The following NR3C2 variants were observed in gnomAD, a reference collection of about 807,000 sequenced individuals.
The protein encoded by NR3C2 is nuclear receptor subfamily 3 group C member 2.
A neutral mutation model predicts 86.4 loss-of-function variants in NR3C2; 15 were observed. The ratio of observed to expected loss-of-function variants is 0.17; its 90% CI spans 0.12 to 0.27. The LOEUF is 0.27. NR3C2 is among the 10% of genes least tolerant of loss of function. The probability of loss-of-function intolerance (pLI) is 1.00; values close to 1 mark genes in which losing one functional copy is unlikely to be tolerated. For missense variants in NR3C2, 960 were observed against 1,195.6 expected (o/e 0.80, Z 2.91); for synonymous variants, 458 against 450.5 (o/e 1.02, Z -0.21).
At chr4:148,091,675 A>C (rs2149710034) in intron 8 of NR3C2, among the ~76,000 whole-genome samples, 1 of 152,356 alleles carries the variant, frequency 6.6e-6, no homozygotes, top group South Asian at 2.1e-4. Context: ...AGCCTGATGT[A>C]GTGCACGGGT....
chr4:148,202,391 C>T (rs1322806299), intron 3 of NR3C2, among the ~76,000 whole-genome samples: 1 of 152,212 alleles, frequency 6.6e-6, no homozygotes, highest in Non-Finnish European at 1.5e-5. Flanking sequence ...TGCCTGCCTC[C>T]ACATTGGCTT....
intron 4 of NR3C2, among the ~76,000 whole-genome samples, chr4:148,177,372 T>G (rs1473356005): frequency 2.6e-5 from 4 of 152,194 alleles, no homozygotes; most frequent in Non-Finnish European, 5.9e-5. Flanking sequence ...CTACTAAGAC[T>G]GAAGGACTGT....
intron 2 of NR3C2, among the ~76,000 whole-genome samples, chr4:148,328,606 C>T (rs1011956787): frequency 1.3e-5 from 2 of 152,182 alleles, no homozygotes; most frequent in African/African-American, 4.8e-5. Context: ...ACTTCTTGTC[C>T]TCTCCTCTGT....
chr4:148,193,325 C>T (rs1366398867), intron 4 of NR3C2, among the ~76,000 whole-genome samples: 3 of 152,222 alleles, frequency 2.0e-5, no homozygotes, highest in Admixed American at 6.5e-5. Flanking sequence ...CTCACAGTAA[C>T]TGGGGTGTCT....
At chr4:148,270,400 A>G (rs1740621616) in intron 2 of NR3C2, among the ~76,000 whole-genome samples, 1 of 152,118 alleles carries the variant, frequency 6.6e-6, no homozygotes, top group African/African-American at 2.4e-5. Flanking sequence ...GGATAAAAGG[A>G]TATCTTTTAT....
intron 2 of NR3C2, among the ~76,000 whole-genome samples, chr4:148,265,941 T>C (rs767763448): frequency 2.6e-5 from 4 of 151,952 alleles, no homozygotes; most frequent in African/African-American, 7.3e-5. Context: ...TCATGGCGAA[T>C]AGAGAGACAA....
At chr4:148,188,777 G>C (rs1313926847) in intron 4 of NR3C2, among the ~76,000 whole-genome samples, 1 of 152,104 alleles carries the variant, frequency 6.6e-6, no homozygotes, top group African/African-American at 2.4e-5. Flanking sequence ...ATGTTGAAGA[G>C]GAGTGGTGAC....
intron 2 of NR3C2, among the ~76,000 whole-genome samples, chr4:148,276,836 C>A (rs1355138295): frequency 6.6e-6 from 1 of 152,198 alleles, no homozygotes; most frequent in East Asian, 1.9e-4. Flanking sequence ...ACTATGAAAT[C>A]CTTCATGGCT....
chr4:148,312,319 A>C (rs937289743), intron 2 of NR3C2, among the ~76,000 whole-genome samples: 1 of 127,428 alleles, frequency 7.8e-6, no homozygotes, highest in Non-Finnish European at 1.7e-5. Flanking sequence ...ATTTATGAGT[A>C]TGGTAGAAAT....
intron 8 of NR3C2, among the ~76,000 whole-genome samples, chr4:148,082,480 C>T (rs963182712): frequency 4.6e-5 from 7 of 152,220 alleles, no homozygotes; most frequent in Admixed American, 2.6e-4. Context: ...ACTCCCTCCC[C>T]TAGCCAAGGG....
At position 148,436,135 on chromosome 4, in the gene NR3C2, T is replaced by C. The variant is rs1177042225; in HGVS notation, c.726A>G (p.Glu242=). The C allele has an allele frequency of 1.2e-6, 2 of 1,614,164 alleles. No individual in the cohort carries two copies. The highest frequency in any genetic ancestry group is 1.7e-6 in the Non-Finnish European group (2 of 1,180,036). The change falls in exon 2 of 9, where the codon GAA becomes GAG. Residue 242 remains glutamate (E), a synonymous_variant. Coordinates refer to ENST00000358102, the MANE Select transcript of NR3C2 (RefSeq NM_000901.5). ...GGCTGTGCGACCTGGAGCCTCGATT[T>C]TCAACATTAGGGGAGCATGTCAGAG... The part of the protein sequence containing the change: ...GTPLTCSPNV[E]NRGSRSHSPA...
chr4:148,231,110 T>C (rs1456689469), intron 3 of NR3C2, among the ~76,000 whole-genome samples: 2 of 152,202 alleles, frequency 1.3e-5, no homozygotes, highest in Non-Finnish European at 2.9e-5. Context: ...CTATGACAGA[T>C]TAATCATTTC....
intron 2 of NR3C2, among the ~76,000 whole-genome samples, chr4:148,385,802 A>G (rs907617): frequency 0.99 from 150,144 of 152,280 alleles, 74,055 homozygotes; most frequent in East Asian, 1. Flanking sequence ...AGGACCTGCT[A>G]CAACCTCGAA....
At chr4:148,124,964 A>T (rs1732677541) in intron 6 of NR3C2, among the ~76,000 whole-genome samples, 1 of 152,152 alleles carries the variant, frequency 6.6e-6, no homozygotes, top group Admixed American at 6.5e-5. Context: ...TTTCCTTTAC[A>T]TATCTAGATA....
chr4:148,332,087 A>G (rs1238761589), intron 2 of NR3C2, among the ~76,000 whole-genome samples: 1 of 152,224 alleles, frequency 6.6e-6, no homozygotes, highest in Non-Finnish European at 1.5e-5. Context: ...GTATTAATAC[A>G]AAATATCTTT....
At chr4:148,155,496 G>A (rs1010683710) in intron 4 of NR3C2, among the ~76,000 whole-genome samples, 5 of 152,068 alleles carry the variant, frequency 3.3e-5, no homozygotes, top group African/African-American at 7.2e-5. Flanking sequence ...CAAATCATGA[G>A]TGAACTCCCA....
intron 8 of NR3C2, among the ~76,000 whole-genome samples, chr4:148,098,885 G>C (rs1731413689): frequency 6.6e-6 from 1 of 152,116 alleles, no homozygotes; most frequent in South Asian, 2.1e-4. Context: ...TATTGCTTAA[G>C]AGTGTCTCAC....
intron 2 of NR3C2, among the ~76,000 whole-genome samples, chr4:148,312,432 G>A (rs967477681): frequency 2.0e-5 from 3 of 152,148 alleles, no homozygotes; most frequent in African/African-American, 7.2e-5. Context: ...CTAAAAATCA[G>A]GGCCTTTCTT....
At chr4:148,317,995 A>T (rs954941797) in intron 2 of NR3C2, among the ~76,000 whole-genome samples, 2 of 149,836 alleles carry the variant, frequency 1.3e-5, no homozygotes, top group Non-Finnish European at 3.0e-5. Context: ...ATCTAGCATT[A>T]GGTATATCTC....
Sources: allele counts gnomAD v4.1 joint callset (sites outside exome capture counted in the v4.1 genomes callset), GRCh38; gene constraint gnomAD v4.1.1; transcripts MANE v1.5; gene names NCBI Gene and HGNC (gene_info 2026-07-23, HGNC 2026-07-21).